Variants in TRPM3 observed in about 807,000 individuals in gnomAD.
TRPM3 encodes the protein long transient receptor potential channel 3.
A neutral mutation model predicts 181.2 loss-of-function variants in TRPM3; 77 were observed. The observed-to-expected ratio is 0.42, with a 90% CI of 0.35 to 0.51. TRPM3 has a LOEUF of 0.51. Among genes scored for constraint, TRPM3 ranks in the 20% least tolerant of loss-of-function variants. The probability of loss-of-function intolerance (pLI) is 0.01; values close to 1 mark genes in which losing one functional copy is unlikely to be tolerated. For synonymous variants in TRPM3, 745 were observed against 796.4 expected (o/e 0.94, Z 1.09); for missense variants, 1,759 against 2,196.7 (o/e 0.80, Z 3.98).
intron 6 of TRPM3, among the ~76,000 whole-genome samples, chr9:70,803,322 G>A (rs2089756623): frequency 6.6e-6 from 1 of 152,094 alleles, no homozygotes; most frequent in Admixed American, 6.5e-5. Context: ...CTTCCAGACA[G>A]TGTTGAAGGA....
At chr9:70,695,176 G>A (rs1564030643) in intron 8 of TRPM3, among the ~76,000 whole-genome samples, 1 of 152,164 alleles carries the variant, frequency 6.6e-6, no homozygotes, top group South Asian at 2.1e-4. Context: ...GATTGTGTAC[G>A]GAGCATGGAC....
At position 71,326,190 on chromosome 9, in the gene TRPM3, G is replaced by T. The variant is rs991151343; in HGVS notation, c.183+120463C>A. 5.9e-5 allele frequency among the ~76,000 whole-genome samples: 9 copies of T among 152,174 alleles called. 1 individual carries two copies. In the East Asian group the frequency reaches 1.7e-3, roughly 29 times the overall value. ...TATGTAGTTATTGAACTGACAGAAT[G>T]ATGCTATCTTGTAGCAAACAAAATG... is the stretch of plus-strand genomic sequence containing the variant. On this transcript the variant is annotated intron_variant, in intron 1 of 24. Coordinates refer to the TRPM3 transcript ENST00000357533.
At chr9:70,619,220 A>G (rs1161403907) in intron 16 of TRPM3, 125 bp from the exon 17 acceptor site, 4 of 724,160 alleles carry the variant, frequency 5.5e-6, no homozygotes, top group Non-Finnish European at 4.6e-6. Flanking sequence ...TATGGGGTCT[A>G]GTCTGTTTGT....
At chr9:70,742,979 T>C (rs745543842) in intron 8 of TRPM3, among the ~76,000 whole-genome samples, 7 of 152,192 alleles carry the variant, frequency 4.6e-5, no homozygotes, top group Admixed American at 6.5e-5. Context: ...CTATTTTTCA[T>C]TGTGGATTTC....
At chr9:70,890,462 T>C (rs979990794) in intron 1 of TRPM3, among the ~76,000 whole-genome samples, 4 of 151,982 alleles carry the variant, frequency 2.6e-5, no homozygotes, top group African/African-American at 4.8e-5. Context: ...AATTTCCAAA[T>C]TGAAGGGGTC....
At position 71,346,803 on chromosome 9, in the gene TRPM3, G is replaced by A. The variant is rs996609575; in HGVS notation, c.183+99850C>T. Among the ~76,000 whole-genome samples the A allele has an allele frequency of 3.3e-5, 5 of 152,210 alleles. 1 individual carries two copies. The South Asian group carries it at 6.2e-4, about 19-fold the overall frequency. On this transcript the variant is annotated intron_variant, in intron 1 of 24. Coordinates refer to the TRPM3 transcript ENST00000357533. Reference sequence around the variant, plus strand: ...GGGAACAGAGTAGGGGTGGGAGGTAGAAGTACTATCTGCTTTTGGAAAAAC... The same window carrying A: ...GGGAACAGAGTAGGGGTGGGAGGTAAAAGTACTATCTGCTTTTGGAAAAAC...
intron 1 of TRPM3, among the ~76,000 whole-genome samples, chr9:70,940,955 A>G (rs1170971938): frequency 1.3e-5 from 2 of 152,244 alleles, no homozygotes; most frequent in African/African-American, 4.8e-5. Context: ...CTTTAAAATA[A>G]TGAACATTTT....
At chr9:71,010,518 A>G (rs576459511) in intron 1 of TRPM3, among the ~76,000 whole-genome samples, 96 of 152,278 alleles carry the variant, frequency 6.3e-4, no homozygotes, top group Admixed American at 1.9e-3. Flanking sequence ...ATGAAAACAA[A>G]TGCTCAACAT....
intron 21 of TRPM3, among the ~76,000 whole-genome samples, chr9:70,595,787 T>A (rs1299107673): frequency 1.3e-5 from 2 of 152,198 alleles, no homozygotes; most frequent in Non-Finnish European, 2.9e-5. Context: ...AATTCATTGT[T>A]AAAGTGCAAA....
intron 1 of TRPM3, among the ~76,000 whole-genome samples, chr9:71,245,623 G>C (rs1199051540): frequency 1.3e-5 from 2 of 152,186 alleles, no homozygotes; most frequent in Non-Finnish European, 2.9e-5. Flanking sequence ...AGTGGGATAG[G>C]CTTTAACCAG....
rs373365100 is a variant in TRPM3 at position 70,681,814 on chromosome 9, C to G, written c.1273-236G>C. ...ATAGTTGCACTGTTTTGGTCATAAC[C>G]ATATACACCCCACTATGGTCTAATG... is the stretch of plus-strand genomic sequence containing the variant. On this transcript the variant is annotated intron_variant, in intron 8 of 25. Transcript: ENST00000677713. 5.8e-4 allele frequency among the ~76,000 whole-genome samples: 89 copies of G among 152,238 alleles called. 1 individual carries two copies. The South Asian group carries it at 0.018, about 30-fold the overall frequency.
At chr9:70,615,140 C>T (rs2062588303) in intron 18 of TRPM3, among the ~76,000 whole-genome samples, 2 of 152,184 alleles carry the variant, frequency 1.3e-5, no homozygotes, top group African/African-American at 2.4e-5. Context: ...TGTGATTTCA[C>T]CCCTTATAGC....
intron 1 of TRPM3, among the ~76,000 whole-genome samples, chr9:71,318,250 T>C (rs1179923984): frequency 5.3e-5 from 8 of 152,210 alleles, no homozygotes; most frequent in Non-Finnish European, 1.0e-4. Flanking sequence ...GATGACATTG[T>C]GTAATGGAGG....
intron 1 of TRPM3, among the ~76,000 whole-genome samples, chr9:71,158,033 C>T (rs766021960): frequency 7.2e-5 from 11 of 152,148 alleles, no homozygotes; most frequent in Middle Eastern, 3.4e-3. Flanking sequence ...CTTTTCTTAT[C>T]GAAAACCTAA....
At chr9:71,185,386 C>A (rs1184642163) in intron 1 of TRPM3, among the ~76,000 whole-genome samples, 1 of 152,100 alleles carries the variant, frequency 6.6e-6, no homozygotes, top group African/African-American at 2.4e-5. Context: ...CTACAAATAT[C>A]TTTATTTTCA....
chr9:71,212,106 T>G (rs1040061980), intron 1 of TRPM3, among the ~76,000 whole-genome samples: 1 of 152,050 alleles, frequency 6.6e-6, no homozygotes, highest in African/African-American at 2.4e-5. Context: ...TTTCATGGTT[T>G]TTTTGTTTTG....
At chr9:71,099,804 G>A (rs1364467839) in intron 1 of TRPM3, among the ~76,000 whole-genome samples, 1 of 152,134 alleles carries the variant, frequency 6.6e-6, no homozygotes, top group Non-Finnish European at 1.5e-5. Context: ...TAGAAAGGAG[G>A]TGTCATTATT....
Position 70,629,222 on chromosome 9 carries a change from G to T in TRPM3, c.1633-3705C>A, listed in dbSNP as rs1461525826. ...TGATTCTGTGACCAGTGCCGGGGGG[G>T]GGGGGGGCCTGCGTTCTGTTTGACC... On this transcript the variant is annotated intron_variant, in intron 12 of 25. Transcript: ENST00000677713. Among the ~76,000 whole-genome samples, 17 of 87,688 alleles carry T rather than the reference G, an allele frequency of 1.9e-4. 4 individuals are homozygous for T. The highest frequency in any genetic ancestry group is 3.3e-4 in the African/African-American group (9 of 27,154). 57.5% of individuals were successfully genotyped at this position (87,688 alleles called of 152,430 possible).
At chr9:70,998,851 C>CT (rs1476667301) in intron 1 of TRPM3, among the ~76,000 whole-genome samples, 2 of 152,110 alleles carry the variant, frequency 1.3e-5, no homozygotes, top group Non-Finnish European at 2.9e-5. Flanking sequence ...TAATAATGGT[C>CT]TTTATGTCCT....
Sources: gnomAD v4.1 joint callset for allele counts (sites outside exome capture counted in the v4.1 genomes callset) on GRCh38, gnomAD v4.1.1 for gene constraint, MANE v1.5 for transcripts, NCBI Gene and HGNC (gene_info 2026-07-23, HGNC 2026-07-21) for gene names.